MDGA2: variants seen among roughly 807,000 people sequenced by gnomAD.
The protein encoded by MDGA2 is MAM domain containing glycosylphosphatidylinositol anchor 2.
MDGA2 carries 40 observed loss-of-function variants against 117.8 expected under a neutral mutation model. The observed-to-expected ratio is 0.34, with a 90% CI of 0.26 to 0.44. The LOEUF (loss-of-function observed/expected upper bound fraction) is 0.44. MDGA2 is among the 20% of genes least tolerant of loss of function. The probability of loss-of-function intolerance (pLI) is 1.00; values close to 1 mark genes in which losing one functional copy is unlikely to be tolerated. For missense variants in MDGA2, 1,123 were observed against 1,250.6 expected (o/e 0.90, Z 1.54); for synonymous variants, 452 against 439.0 (o/e 1.03, Z -0.37).
intron 1 of MDGA2, among the ~76,000 whole-genome samples, chr14:47,657,229 G>T (rs915811208): frequency 6.6e-6 from 1 of 152,078 alleles, no homozygotes; most frequent in East Asian, 1.9e-4. Flanking sequence ...CAGAATCCAC[G>T]AATATAATAA....
At chr14:47,390,438 G>A (rs1054197980) in intron 1 of MDGA2, among the ~76,000 whole-genome samples, 2 of 152,054 alleles carry the variant, frequency 1.3e-5, no homozygotes, top group Non-Finnish European at 2.9e-5. Flanking sequence ...ACCTTCCATC[G>A]TAAAGATACT....
chr14:47,499,322 A>C (rs986501214), intron 1 of MDGA2, among the ~76,000 whole-genome samples: 1 of 152,130 alleles, frequency 6.6e-6, no homozygotes, highest in Admixed American at 6.5e-5. Context: ...GGTGAGCTTT[A>C]TCCTTTATTG....
At chr14:47,300,050 C>T (rs980266286) in intron 2 of MDGA2, among the ~76,000 whole-genome samples, 2 of 152,044 alleles carry the variant, frequency 1.3e-5, no homozygotes, top group Non-Finnish European at 2.9e-5. Context: ...TTCTGTGATG[C>T]TTTATATGCC....
chr14:47,661,149 A>G (rs1203598004), intron 1 of MDGA2, among the ~76,000 whole-genome samples: 1 of 152,134 alleles, frequency 6.6e-6, no homozygotes, highest in Non-Finnish European at 1.5e-5. Context: ...TAGAATAAGT[A>G]TAAGCACACA....
chr14:47,096,671 T>A (rs1379246856), intron 6 of MDGA2, among the ~76,000 whole-genome samples, 183 bp downstream of exon 6: 1 of 152,080 alleles, frequency 6.6e-6, no homozygotes, highest in African/African-American at 2.4e-5. Context: ...AAAGCACTGT[T>A]ATTAATCTTT....
chr14:47,091,130 C>T (rs914634634), intron 6 of MDGA2, among the ~76,000 whole-genome samples: 1 of 152,098 alleles, frequency 6.6e-6, no homozygotes, highest in African/African-American at 2.4e-5. Context: ...TGAGTATGGA[C>T]ATGGAATTTT....
chr14:47,349,863 A>G (rs939361615), intron 1 of MDGA2, among the ~76,000 whole-genome samples: 1 of 152,122 alleles, frequency 6.6e-6, no homozygotes, highest in Non-Finnish European at 1.5e-5. Flanking sequence ...TCATGCATTA[A>G]CCTGGCCCTC....
intron 1 of MDGA2, among the ~76,000 whole-genome samples, chr14:47,443,029 C>T (rs531835716): frequency 3.9e-5 from 6 of 152,040 alleles, no homozygotes; most frequent in East Asian, 1.9e-4. Context: ...TAATCATGGC[C>T]GCAATGTGCA....
At chr14:46,975,880 G>A (rs892521188) in intron 8 of MDGA2, among the ~76,000 whole-genome samples, 2 of 152,044 alleles carry the variant, frequency 1.3e-5, no homozygotes, top group Non-Finnish European at 2.9e-5. Flanking sequence ...CATGTGGAAG[G>A]AGCAAGACAA....
chr14:47,613,475 T>A (rs1358502483), intron 1 of MDGA2, among the ~76,000 whole-genome samples: 6 of 109,092 alleles, frequency 5.5e-5, no homozygotes, highest in African/African-American at 2.2e-4. Context: ...TCTCTCTCTC[T>A]CTCTCACACA....
intron 1 of MDGA2, among the ~76,000 whole-genome samples, chr14:47,667,558 A>C (rs1897997983): frequency 6.6e-6 from 1 of 152,186 alleles, no homozygotes; most frequent in Non-Finnish European, 1.5e-5. Flanking sequence ...ATCCTGATGC[A>C]CTACAACAAA....
intron 1 of MDGA2, among the ~76,000 whole-genome samples, chr14:47,477,559 G>A (rs1020663784): frequency 6.6e-6 from 1 of 152,058 alleles, no homozygotes; most frequent in Non-Finnish European, 1.5e-5. Flanking sequence ...TGAAGCTTTT[G>A]TCTTTACCTG....
chr14:47,000,381 A>ATT (rs36066041), intron 8 of MDGA2, among the ~76,000 whole-genome samples: 2 of 79,612 alleles, frequency 2.5e-5, no homozygotes, highest in Non-Finnish European at 4.8e-5. Context: ...ATATATTTAT[A>ATT]TATATATATT....
chr14:47,217,962 T>C (rs1458570172), intron 3 of MDGA2, 59 bp downstream of exon 3: 15 of 1,355,750 alleles, frequency 1.1e-5, no homozygotes, highest in Middle Eastern at 5.0e-4. Context: ...ACCATAGACT[T>C]GTAAGACAAA....
At chr14:47,307,138 G>A (rs1889478294) in intron 1 of MDGA2, among the ~76,000 whole-genome samples, 1 of 152,108 alleles carries the variant, frequency 6.6e-6, no homozygotes, top group South Asian at 2.1e-4. Flanking sequence ...ATCTCAAAAT[G>A]TTCAATGTAG....
chr14:47,322,507 T>C (rs1013290107), intron 1 of MDGA2, among the ~76,000 whole-genome samples: 1 of 152,172 alleles, frequency 6.6e-6, no homozygotes, highest in African/African-American at 2.4e-5. Flanking sequence ...TCAAACAATC[T>C]GACGAGGAGA....
intron 4 of MDGA2, among the ~76,000 whole-genome samples, chr14:47,141,090 GT>G (rs1329112332): frequency 3.9e-5 from 6 of 152,058 alleles, no homozygotes; most frequent in African/African-American, 7.2e-5. Context: ...CAAAACCACA[GT>G]GAGCTATCAC....
intron 7 of MDGA2, among the ~76,000 whole-genome samples, chr14:47,040,542 C>T (rs75563694): frequency 0.021 from 3,153 of 152,192 alleles, 113 homozygotes; most frequent in African/African-American, 0.071. Flanking sequence ...AATGCTCTTC[C>T]AAAATCACTA....
chr14:47,091,556 G>A (rs1157269450), intron 6 of MDGA2, among the ~76,000 whole-genome samples: 1 of 152,066 alleles, frequency 6.6e-6, no homozygotes, highest in Non-Finnish European at 1.5e-5. Context: ...AGTAGAGCAA[G>A]TAAAAATGGG....
Sources: gnomAD v4.1 joint callset for allele counts (sites outside exome capture counted in the v4.1 genomes callset) on GRCh38, gnomAD v4.1.1 for gene constraint, MANE v1.5 for transcripts, NCBI Gene and HGNC (gene_info 2026-07-23, HGNC 2026-07-21) for gene names.